Variants in CYTH1 observed in about 807,000 individuals in gnomAD.
CYTH1 encodes cytohesin 1.
CYTH1 carries 18 observed loss-of-function variants against 61.8 expected under a neutral mutation model. That is an observed-to-expected ratio of 0.29 (90% CI 0.20 to 0.43). CYTH1 has a LOEUF of 0.43. Among genes scored for constraint, CYTH1 ranks in the 20% least tolerant of loss-of-function variants. The probability of loss-of-function intolerance (pLI) is 1.00; values close to 1 mark genes in which losing one functional copy is unlikely to be tolerated. For missense variants in CYTH1, 336 were observed against 510.5 expected (o/e 0.66, Z 3.29); for synonymous variants, 174 against 184.3 (o/e 0.94, Z 0.45).
chr17:78,749,477 T>A (rs1361013629), intron 1 of CYTH1, among the ~76,000 whole-genome samples: 3 of 151,488 alleles, frequency 2.0e-5, no homozygotes, highest in South Asian at 2.1e-4. Flanking sequence ...AAAAAAAATT[T>A]AAAAATTAGC....
chr17:78,705,288 A>G (rs2093053760), intron 3 of CYTH1, among the ~76,000 whole-genome samples: 1 of 152,148 alleles, frequency 6.6e-6, no homozygotes, highest in Admixed American at 6.5e-5. Context: ...CACACACCAG[A>G]GATGGCTCCC....
chr17:78,775,073 C>T (rs1411229080), intron 1 of CYTH1, among the ~76,000 whole-genome samples: 1 of 152,242 alleles, frequency 6.6e-6, no homozygotes, highest in East Asian at 1.9e-4. Context: ...TGCCACTAGG[C>T]ACCCACCCCT....
chr17:78,756,552 A>G (rs2093401979), intron 1 of CYTH1, among the ~76,000 whole-genome samples: 1 of 152,188 alleles, frequency 6.6e-6, no homozygotes, highest in Non-Finnish European at 1.5e-5. Flanking sequence ...CTAGTTTGCT[A>G]ATGAGGCTAT....
At chr17:78,730,672 T>A (rs570271089) in intron 1 of CYTH1, among the ~76,000 whole-genome samples, 56 of 151,898 alleles carry the variant, frequency 3.7e-4, no homozygotes, top group African/African-American at 1.1e-3. Context: ...TATTATTATT[T>A]TTTTGTTTTT....
At chr17:78,726,042 CTTTTTTT>C (rs1159169142) in intron 1 of CYTH1, among the ~76,000 whole-genome samples, 2 of 130,760 alleles carry the variant, frequency 1.5e-5, no homozygotes, top group African/African-American at 5.9e-5. Context: ...ATTCAACAGT[CTTTTTTT>C]TTTTTTTTTT....
chr17:78,705,462 G>A (rs9902043), intron 3 of CYTH1, among the ~76,000 whole-genome samples: 2,072 of 152,222 alleles, frequency 0.014, 45 homozygotes, highest in African/African-American at 0.047. Context: ...CTACTGGATC[G>A]CCTTAGTTAA....
intron 10 of CYTH1, among the ~76,000 whole-genome samples, chr17:78,695,393 T>C (rs1247449616): frequency 1.3e-5 from 2 of 152,192 alleles, no homozygotes; most frequent in Middle Eastern, 3.2e-3. Context: ...TTTTTTCACC[T>C]TCACTCGGTA....
chr17:78,728,134 C>T (rs1398919521), intron 1 of CYTH1, among the ~76,000 whole-genome samples: 1 of 152,204 alleles, frequency 6.6e-6, no homozygotes, highest in African/African-American at 2.4e-5. Flanking sequence ...CTGGTTCCTG[C>T]AGCAGGGCCA....
At chr17:78,723,236 G>T in intron 1 of CYTH1, 1 of 153,134 alleles carries the variant, frequency 6.5e-6, no homozygotes, top group Non-Finnish European at 1.5e-5. Context: ...CCTCTCCTGC[G>T]GCCCCAGTGT....
intron 5 of CYTH1, 45 bp from the exon 6 acceptor site, chr17:78,701,796 C>G (rs753000249): frequency 1.3e-6 from 2 of 1,587,968 alleles, no homozygotes; most frequent in East Asian, 4.5e-5. Flanking sequence ...AGGAGTCAGG[C>G]ACCAACACTG....
At chr17:78,762,028 A>G (rs1483155375) in intron 1 of CYTH1, among the ~76,000 whole-genome samples, 1 of 152,234 alleles carries the variant, frequency 6.6e-6, no homozygotes, top group Non-Finnish European at 1.5e-5. Context: ...CATGGGGGAA[A>G]ACAGCAGATT....
At chr17:78,770,098 C>T (rs1385520324) in intron 1 of CYTH1, among the ~76,000 whole-genome samples, 1 of 151,034 alleles carries the variant, frequency 6.6e-6, no homozygotes, top group Admixed American at 6.6e-5. Flanking sequence ...TGCAGTGAGC[C>T]GAGATCGCAC....
At chr17:78,712,735 T>A (rs966797565) in intron 1 of CYTH1, among the ~76,000 whole-genome samples, 7 of 152,078 alleles carry the variant, frequency 4.6e-5, no homozygotes, top group Non-Finnish European at 1.0e-4. Flanking sequence ...AATTACCTAA[T>A]ATACTGAGTC....
chr17:78,695,970 C>T, intron 10 of CYTH1, 37 bp downstream of exon 10: 2 of 1,367,506 alleles, frequency 1.5e-6, no homozygotes, highest in Non-Finnish European at 2.0e-6. Flanking sequence ...ATGACAGTGG[C>T]CTAGCAGAGC....
intron 1 of CYTH1, among the ~76,000 whole-genome samples, chr17:78,726,512 C>A (rs2093267783): frequency 6.6e-6 from 1 of 152,090 alleles, no homozygotes; most frequent in Non-Finnish European, 1.5e-5. Context: ...AAACAGGCAG[C>A]CCGTAAATGC....
chr17:78,714,358 A>G (rs540052732), intron 1 of CYTH1, among the ~76,000 whole-genome samples: 1 of 152,306 alleles, frequency 6.6e-6, no homozygotes, highest in South Asian at 2.1e-4. Flanking sequence ...AATATCAAAG[A>G]GTACACAGAG....
intron 1 of CYTH1, among the ~76,000 whole-genome samples, chr17:78,712,418 C>T (rs570389286): frequency 1.2e-3 from 179 of 151,974 alleles, no homozygotes; most frequent in African/African-American, 4.1e-3. Context: ...TTTGGGAGGC[C>T]GAGGTGAGTA....
At chr17:78,741,007 G>A (rs769328725) in intron 1 of CYTH1, among the ~76,000 whole-genome samples, 1 of 152,168 alleles carries the variant, frequency 6.6e-6, no homozygotes, top group South Asian at 2.1e-4. Flanking sequence ...AAATGATATC[G>A]GAAACATACA....
At chr17:78,767,417 G>C (rs904752450) in intron 1 of CYTH1, among the ~76,000 whole-genome samples, 1 of 152,076 alleles carries the variant, frequency 6.6e-6, no homozygotes, top group Non-Finnish European at 1.5e-5. Context: ...AAATTTCCAC[G>C]TGAACCGCCC....
Sources: allele counts gnomAD v4.1 joint callset (sites outside exome capture counted in the v4.1 genomes callset), GRCh38; gene constraint gnomAD v4.1.1; transcripts MANE v1.5; gene names NCBI Gene and HGNC (gene_info 2026-07-23, HGNC 2026-07-21).